Variants in C10orf90 observed in about 807,000 individuals in gnomAD.
C10orf90 encodes chromosome 10 open reading frame 90.
In C10orf90, 56 loss-of-function variants were observed where a neutral mutation model predicts 62.5. The ratio of observed to expected loss-of-function variants is 0.90; its 90% CI spans 0.72 to 1.12. The LOEUF (loss-of-function observed/expected upper bound fraction) is 1.12. Ranked by LOEUF, C10orf90 falls within the 50% of genes most tolerant of loss-of-function variation. The pLI, the probability that C10orf90 is intolerant of heterozygous loss-of-function variation, is 0.00. For missense variants in C10orf90, 970 were observed against 880.4 expected (o/e 1.10, Z -1.29); for synonymous variants, 386 against 340.4 (o/e 1.13, Z -1.47).
intron 4 of C10orf90, 66 bp downstream of exon 4, chr10:126,503,891 A>T: frequency 1.3e-6 from 2 of 1,526,788 alleles, no homozygotes; most frequent in Non-Finnish European, 1.8e-6. Context: ...TAAGAAATTC[A>T]CTCAACAGTC....
intron 2 of C10orf90, among the ~76,000 whole-genome samples, chr10:126,644,662 C>T (rs777410301): frequency 1.3e-5 from 2 of 152,208 alleles, no homozygotes; most frequent in Non-Finnish European, 2.9e-5. Context: ...GGGCTTGATT[C>T]CTAAGCCATT....
chr10:126,649,123 C>A (rs759722780), intron 1 of C10orf90, among the ~76,000 whole-genome samples: 1 of 143,704 alleles, frequency 7.0e-6, no homozygotes, highest in African/African-American at 2.6e-5. Flanking sequence ...AGACCCACAG[C>A]GTTCTGCAAA....
At chr10:126,633,940 G>T (rs967909429) in intron 2 of C10orf90, among the ~76,000 whole-genome samples, 2 of 152,244 alleles carry the variant, frequency 1.3e-5, no homozygotes, top group South Asian at 2.1e-4. Flanking sequence ...GTATCACTTC[G>T]CACCTGTCAG....
At chr10:126,529,117 C>T (rs1864027032) in intron 2 of C10orf90, among the ~76,000 whole-genome samples, 2 of 152,106 alleles carry the variant, frequency 1.3e-5, no homozygotes, top group African/African-American at 4.8e-5. Context: ...ACAATAAACA[C>T]AACATTTTAC....
intron 2 of C10orf90, among the ~76,000 whole-genome samples, chr10:126,564,980 A>ATATATAC (rs1844291639): frequency 7.2e-5 from 1 of 13,824 alleles, no homozygotes; most frequent in African/African-American, 2.2e-4. Context: ...ATAATATATA[A>ATATATAC]AATATAAAAT....
rs796820551 is a variant in C10orf90, at chr10:126,572,253, T to A, written c.314-58314A>T. Among the ~76,000 whole-genome samples the A allele has an allele frequency of 4.6e-5, 7 of 152,248 alleles. 1 individual carries two copies. The highest frequency in any genetic ancestry group is 1.4e-4 in the African/African-American group (6 of 41,560). On this transcript the variant is annotated intron_variant, in intron 2 of 9. Coordinates refer to ENST00000488181, the MANE Select transcript of C10orf90 (RefSeq NM_001350921.2). ...TGGCAATGCGAGTGACCTCTGATCA[T>A]CCTCACTGCTACACTCCTGTTACAG... is the stretch of plus-strand genomic sequence containing the variant.
chr10:126,492,813 T>C (rs556496689), intron 4 of C10orf90, among the ~76,000 whole-genome samples: 34 of 152,344 alleles, frequency 2.2e-4, no homozygotes, highest in African/African-American at 7.5e-4. Flanking sequence ...TATGTACAGA[T>C]AGTGCAACTT....
intron 4 of C10orf90, among the ~76,000 whole-genome samples, chr10:126,500,299 G>A (rs963009099): frequency 6.6e-6 from 1 of 152,186 alleles, no homozygotes; most frequent in African/African-American, 2.4e-5. Flanking sequence ...CTGTCACTGA[G>A]AAGGGAACAG....
intron 2 of C10orf90, among the ~76,000 whole-genome samples, chr10:126,534,182 A>C (rs376459685): frequency 1.9e-4 from 29 of 152,326 alleles, no homozygotes; most frequent in African/African-American, 6.7e-4. Flanking sequence ...TGCATTGCAC[A>C]GCCAGGGTGC....
chr10:126,471,706 G>A (rs17154831), intron 4 of C10orf90, among the ~76,000 whole-genome samples: 24,244 of 152,062 alleles, frequency 0.16, 2,023 homozygotes, highest in Middle Eastern at 0.23. Context: ...CTCATTTGAC[G>A]TAAAGACTCA....
chr10:126,541,518 C>A (rs1482024299), intron 2 of C10orf90, among the ~76,000 whole-genome samples: 1 of 152,016 alleles, frequency 6.6e-6, no homozygotes, highest in Non-Finnish European at 1.5e-5. Context: ...ACAAGCAATC[C>A]AATTTAAATA....
intron 4 of C10orf90, among the ~76,000 whole-genome samples, chr10:126,474,740 G>T (rs1209038626): frequency 2.6e-5 from 4 of 152,196 alleles, no homozygotes; most frequent in Non-Finnish European, 5.9e-5. Context: ...GATTTTCAAT[G>T]TGGCTTGTAA....
chr10:126,580,594 A>G (rs993591259), intron 2 of C10orf90, among the ~76,000 whole-genome samples: 7 of 150,478 alleles, frequency 4.7e-5, no homozygotes, highest in African/African-American at 1.5e-4. Flanking sequence ...CGGAGCTTGC[A>G]GTGAGCCGAG....
At chr10:126,562,697 A>T (rs1325507415) in intron 2 of C10orf90, among the ~76,000 whole-genome samples, 1 of 152,164 alleles carries the variant, frequency 6.6e-6, no homozygotes, top group Non-Finnish European at 1.5e-5. Context: ...GGTTACAGAC[A>T]ATTCTCCTAT....
At chr10:126,653,031 T>G (rs1846321798) in intron 1 of C10orf90, among the ~76,000 whole-genome samples, 2 of 152,216 alleles carry the variant, frequency 1.3e-5, no homozygotes, top group Non-Finnish European at 2.9e-5. Flanking sequence ...TCAAAAAATG[T>G]ACATACCTTA....
chr10:126,569,366 T>C (rs1044289138), intron 2 of C10orf90, among the ~76,000 whole-genome samples: 8 of 152,114 alleles, frequency 5.3e-5, no homozygotes, highest in African/African-American at 1.9e-4. Context: ...ACTGTCTTTA[T>C]GGGGAGGAGC....
chr10:126,610,552 G>A (rs1252246164), intron 2 of C10orf90, among the ~76,000 whole-genome samples: 1 of 152,190 alleles, frequency 6.6e-6, no homozygotes, highest in Admixed American at 6.5e-5. Flanking sequence ...CTCTGGGAAG[G>A]CAGACACCAC....
chr10:126,494,991 A>T (rs1161543963), intron 4 of C10orf90, among the ~76,000 whole-genome samples: 6 of 152,200 alleles, frequency 3.9e-5, no homozygotes, highest in Non-Finnish European at 8.8e-5. Flanking sequence ...ACCTGCTTAA[A>T]CTATGTTGTC....
At chr10:126,569,273 A>G (rs1844457054) in intron 2 of C10orf90, among the ~76,000 whole-genome samples, 1 of 152,136 alleles carries the variant, frequency 6.6e-6, no homozygotes, top group African/African-American at 2.4e-5. Context: ...TGTTAGTGCC[A>G]CATTTGATAG....
Sources: allele counts gnomAD v4.1 joint callset (sites outside exome capture counted in the v4.1 genomes callset), GRCh38; gene constraint gnomAD v4.1.1; transcripts MANE v1.5; gene names NCBI Gene and HGNC (gene_info 2026-07-23, HGNC 2026-07-21).